The following CUX1 variants were observed in gnomAD, a reference collection of about 807,000 sequenced individuals.
The protein encoded by CUX1 is cut like homeobox 1.
A neutral mutation model predicts 158.8 loss-of-function variants in CUX1; 31 were observed. That is an observed-to-expected ratio of 0.20 (90% CI 0.15 to 0.26). CUX1 has a LOEUF of 0.26. Ranked by LOEUF, CUX1 falls within the 10% of genes least tolerant of loss-of-function variation. CUX1 has a pLI of 1.00. For missense variants in CUX1, 1,589 were observed against 2,014.6 expected, an observed-to-expected ratio of 0.79 and a Z score of 4.04; for synonymous variants, 879 against 862.1, an observed-to-expected ratio of 1.02 and a Z score of -0.34.
At chr7:102,046,718 A>G (rs1180222250) in intron 3 of CUX1, among the ~76,000 whole-genome samples, 1 of 151,598 alleles carries the variant, frequency 6.6e-6, no homozygotes, top group Non-Finnish European at 1.5e-5. Flanking sequence ...CTGGGACTAC[A>G]GGTACACACC....
At chr7:102,206,551 C>A (rs1049699002) in intron 20 of CUX1, among the ~76,000 whole-genome samples, 2 of 152,116 alleles carry the variant, frequency 1.3e-5, no homozygotes, top group Admixed American at 1.3e-4. Context: ...TATTTGATTC[C>A]ATTGAGGCAG....
rs1795469462 is a variant in CUX1, at chr7:102,201,764, C to A, written c.2467C>A (p.His823Asn). The change falls in exon 18 of 24, where the codon CAC (histidine) becomes AAC (asparagine). Residue 823 changes from histidine (H) to asparagine (N), a missense_variant. Coordinates refer to ENST00000292535, the MANE Select transcript of CUX1 (RefSeq NM_181552.4). The surrounding 1 kb of genome is among the most constrained non-coding windows in gnomAD (Gnocchi z 5.0). ...EVGRSGAWKDHWWSAVQPERR... is the reference protein window; with the variant it reads ...EVGRSGAWKDNWWSAVQPERR... ...GGGCCGCAGCGGTGCCTGGAAGGAC[C>A]ACTGGTGGAGCGCGGTGCAGCCGGA... 2 of 1,612,752 alleles carry A rather than the reference C, an allele frequency of 1.2e-6. No individual in the cohort carries two copies. The highest frequency in any genetic ancestry group is 4.5e-5 in the East Asian group (2 of 44,874).
rs760980976 is a variant in CUX1 at position 102,239,440 on chromosome 7, G to A, written c.3743G>A (p.Arg1248Gln). Residue 1248 changes from arginine to glutamine, a missense_variant, in exon 23 of 24, where the codon CGG (arginine) becomes CAG (glutamine). Around this residue, in one of 8 missense-constraint regions of CUX1, gnomAD observed 259 missense variants for 373.8 expected, o/e 0.69. Coordinates refer to ENST00000292535, the MANE Select transcript of CUX1 (RefSeq NM_181552.4). ...PQPQHQLKKPRVVLAPEEKEA... is the reference protein window; with the variant it reads ...PQPQHQLKKPQVVLAPEEKEA... ...CCCCAGCACCAGCTGAAGAAACCCC[G>A]GGTGGTGCTGGCTCCGGAGGAGAAG... 2 of 1,613,988 alleles carry A rather than the reference G, an allele frequency of 1.2e-6. No homozygotes were observed. Among genetic ancestry groups the A allele is most frequent in the African/African-American group, 1.3e-5 (1 of 75,070 alleles).
At chr7:102,178,743 C>G in intron 11 of CUX1, 86 bp downstream of exon 11, 1 of 1,407,552 alleles carries the variant, frequency 7.1e-7, no homozygotes, top group East Asian at 2.5e-5. Flanking sequence ...CTCTGCCTTT[C>G]TGGACTTGAT....
chr7:101,817,081 G>T (rs566829622), upstream of CUX1: 7 of 984,544 alleles, frequency 7.1e-6, no homozygotes, highest in Non-Finnish European at 8.4e-6. This position sits in a 1 kb window ranked among gnomAD's most constrained non-coding sequence, Gnocchi z 4.1. Flanking sequence ...GGCGGCGGGG[G>T]TGCCCCGCGC....
At chr7:101,991,298 C>A (rs966186498) in intron 2 of CUX1, among the ~76,000 whole-genome samples, 1 of 152,222 alleles carries the variant, frequency 6.6e-6, no homozygotes, top group Non-Finnish European at 1.5e-5. Context: ...TTCTGGGACA[C>A]CAGCTAAAAT....
At chr7:102,266,134 G>A (rs1554545003) in intron 14 of CUX1, among the ~76,000 whole-genome samples, 4 of 151,440 alleles carry the variant, frequency 2.6e-5, no homozygotes, top group African/African-American at 9.7e-5. Context: ...AACCCAAGAG[G>A]TGGAGGTTGC....
At chr7:101,900,937 T>A (rs1417918867) in intron 1 of CUX1, among the ~76,000 whole-genome samples, 4 of 152,230 alleles carry the variant, frequency 2.6e-5, no homozygotes, top group Admixed American at 6.5e-5. Flanking sequence ...CTGAAGAATC[T>A]AACAATGATA....
Position 102,068,449 on chromosome 7 carries a change from G to GA in CUX1, c.190-1890_190-1889insA, listed in dbSNP as rs1180359924. Among the ~76,000 whole-genome samples, 135 of 151,312 alleles carry GA rather than the reference G, an allele frequency of 8.9e-4. 1 individual carries two copies. Among genetic ancestry groups the GA allele is most frequent in the Non-Finnish European group, 3.4e-4 (23 of 67,860 alleles). Reference sequence around the variant, plus strand: ...ACAGCCTTATCTTATCGGGTTGAGGGGGTGGAAATGTGTCTGAGTTCCAAA... The same window carrying GA: ...ACAGCCTTATCTTATCGGGTTGAGGGAGGTGGAAATGTGTCTGAGTTCCAAA... On this transcript the variant is annotated intron_variant, in intron 3 of 23. Coordinates refer to ENST00000292535, the MANE Select transcript of CUX1 (RefSeq NM_181552.4).
At chr7:102,041,501 G>A (rs1247894121) in intron 3 of CUX1, among the ~76,000 whole-genome samples, 1 of 151,326 alleles carries the variant, frequency 6.6e-6, no homozygotes. Context: ...TGATCAACCC[G>A]CCTTGGCCTC....
intron 20 of CUX1, among the ~76,000 whole-genome samples, chr7:102,226,878 G>A (rs782187624): frequency 2.8e-4 from 42 of 152,126 alleles, no homozygotes; most frequent in Admixed American, 1.3e-4. Flanking sequence ...TGATCCACTC[G>A]CCCAGCCACA....
At chr7:102,031,246 A>T (rs1017560371) in intron 3 of CUX1, among the ~76,000 whole-genome samples, 6 of 152,002 alleles carry the variant, frequency 3.9e-5, no homozygotes, top group Non-Finnish European at 5.9e-5. Flanking sequence ...TTTAGTAGAG[A>T]TGGGATTTCA....
At chr7:102,271,679 C>T (rs1409400504) in intron 14 of CUX1, among the ~76,000 whole-genome samples, 5 of 152,218 alleles carry the variant, frequency 3.3e-5, no homozygotes, top group East Asian at 1.9e-4. Context: ...TCCTCACTTC[C>T]GCAGATACCA....
intron 1 of CUX1, among the ~76,000 whole-genome samples, chr7:101,820,656 CAG>C (rs1372271771): frequency 6.6e-6 from 1 of 152,202 alleles, no homozygotes; most frequent in East Asian, 1.9e-4. Flanking sequence ...GTTATCGCTG[CAG>C]AGAGAGAGTT....
chr7:101,930,355 A>C (rs1806150741), intron 2 of CUX1, among the ~76,000 whole-genome samples: 1 of 152,158 alleles, frequency 6.6e-6, no homozygotes, highest in Non-Finnish European at 1.5e-5. Context: ...TAACTTACGG[A>C]ATTGATTATA....
rs1385136348 is a variant in CUX1, at chr7:102,251,432, A to G, written c.*2390A>G. 7.1e-6 allele frequency: 7 copies of G among 985,296 alleles called. No individual in the cohort carries two copies. The highest frequency in any genetic ancestry group is 5.2e-5 in the African/African-American group (3 of 57,220). The allele number at this position is 985,296 out of a possible 1,614,324, so 61.0% of individuals were successfully genotyped here. A position where few individuals can be genotyped will look rare whatever the true frequency, so the allele number is the denominator to read the frequency against. ...TGCAGCACTTAGTTCACGTTTTCAC[A>G]AATTTCAAGAGTCACTACACTAAAG... On this transcript the variant is annotated 3_prime_UTR_variant, in exon 24 of 24. Coordinates refer to ENST00000292535, the MANE Select transcript of CUX1 (RefSeq NM_181552.4).
chr7:102,213,694 G>A (rs1586248982), intron 20 of CUX1, among the ~76,000 whole-genome samples: 1 of 152,232 alleles, frequency 6.6e-6, no homozygotes, highest in Non-Finnish European at 1.5e-5. Flanking sequence ...GTTTTCAGTG[G>A]TTGAATTCTA....
Position 102,255,888 on chromosome 7 carries a change from A to G in CUX1, c.*6846A>G, listed in dbSNP as rs1563503310. The G allele has an allele frequency of 2.0e-6, 2 of 984,568 alleles. No homozygotes were observed. Among genetic ancestry groups the G allele is most frequent in the Admixed American group, 6.1e-5 (1 of 16,262 alleles). The allele number at this position is 984,568 out of a possible 1,614,324, so 61.0% of individuals were successfully genotyped here. ...ACGGAAAGCACTTAAATAGATGACTATGTGTAAAAGCTCTGTGCAATTGAA... is the reference window on the plus strand; with the variant it reads ...ACGGAAAGCACTTAAATAGATGACTGTGTGTAAAAGCTCTGTGCAATTGAA... On this transcript the variant is annotated 3_prime_UTR_variant, in exon 24 of 24. Transcript: ENST00000292535.
chr7:102,089,213 G>A (rs1461758268), intron 4 of CUX1, among the ~76,000 whole-genome samples: 4 of 151,962 alleles, frequency 2.6e-5, no homozygotes, highest in Non-Finnish European at 4.4e-5. Flanking sequence ...TCTCTGTATT[G>A]TATTCATATT....
Sources: allele counts gnomAD v4.1 joint callset (sites outside exome capture counted in the v4.1 genomes callset), GRCh38; gene constraint gnomAD v4.1.1; regional missense constraint gnomAD v4.1.1; non-coding constraint Gnocchi (gnomAD v3.1); transcripts MANE v1.5; gene names NCBI Gene and HGNC (gene_info 2026-07-23, HGNC 2026-07-21).